STOML3: variants seen among roughly 807,000 people sequenced by gnomAD.
The protein encoded by STOML3 is stomatin-like protein 3.
In STOML3, 31 loss-of-function variants were observed where a neutral mutation model predicts 29.5. That is an observed-to-expected ratio of 1.05 (90% CI 0.79 to 1.42). The LOEUF is 1.42. STOML3 is among the 40% of genes most tolerant of loss of function. The pLI is 0.00. For synonymous variants in STOML3, 122 were observed against 139.8 expected, an observed-to-expected ratio of 0.87 and a Z score of 0.90; for missense variants, 380 against 363.0, an observed-to-expected ratio of 1.05 and a Z score of -0.38.
At chr13:38,967,693 G>A (rs1353238000) in intron 6 of STOML3, among the ~76,000 whole-genome samples, 2 of 152,120 alleles carry the variant, frequency 1.3e-5, no homozygotes, top group African/African-American at 4.8e-5. Context: ...GTCCCTTCCT[G>A]GAAGCTGCTG....
intron 5 of STOML3, among the ~76,000 whole-genome samples, chr13:38,969,800 T>C (rs1880794481): frequency 6.6e-6 from 1 of 152,178 alleles, no homozygotes; most frequent in African/African-American, 2.4e-5. Flanking sequence ...AATTTAACTT[T>C]CACACTTTAT....
chr13:38,973,621 T>C (rs779851628), intron 3 of STOML3, among the ~76,000 whole-genome samples: 5 of 152,008 alleles, frequency 3.3e-5, no homozygotes, highest in African/African-American at 4.8e-5. Flanking sequence ...CCTCCTAATA[T>C]CATTACACTG....
Position 38,980,066 on chromosome 13 carries a change from CTG to C in STOML3, c.53-3271_53-3270del, listed in dbSNP as rs752601114. 3.6e-5 allele frequency: 56 copies of C among 1,551,730 alleles called. 2 individuals carry two copies. The South Asian group carries it at 6.3e-4, about 17-fold the overall frequency. On this transcript the variant is annotated intron_variant, in intron 1 of 6. Transcript: ENST00000379631. ...ATCGCACTGACCTACAAGCTCGCCT[CTG>C]GAGTTCATCAAGCCCTTGCATCATT...
chr13:38,989,599 C>A (rs1593512738), intron 1 of STOML3, among the ~76,000 whole-genome samples: 1 of 151,900 alleles, frequency 6.6e-6, no homozygotes, highest in Admixed American at 6.6e-5. Flanking sequence ...ACCTCCTGGG[C>A]TCAAGCAATC....
chr13:38,971,140 C>G (rs905578284), intron 4 of STOML3, among the ~76,000 whole-genome samples: 3 of 152,092 alleles, frequency 2.0e-5, no homozygotes, highest in African/African-American at 7.2e-5. Flanking sequence ...GCAAGTGACT[C>G]TCCTGCCTCA....
intron 3 of STOML3, among the ~76,000 whole-genome samples, chr13:38,972,902 T>G (rs1340718946): frequency 6.6e-6 from 1 of 151,970 alleles, no homozygotes; most frequent in Non-Finnish European, 1.5e-5. Flanking sequence ...AAAAATAATA[T>G]TCTGACCAAT....
chr13:38,966,794 CTA>C lies in STOML3; in HGVS notation c.*29_*30del. On this transcript the variant is annotated 3_prime_UTR_variant, in exon 7 of 7. Transcript: ENST00000379631. The stretch of plus-strand genomic sequence containing the variant: ...TCTCCATAGGAATAGACACCACTCT[CTA>C]TGCAATAGCTGACTACCGCAAGAGG... The C allele has an allele frequency of 6.3e-7, 1 of 1,580,166 alleles. No individual in the cohort carries two copies. Among genetic ancestry groups the C allele is most frequent in the Non-Finnish European group, 8.7e-7 (1 of 1,151,398 alleles).
chr13:38,990,730 T>A lies in STOML3; in HGVS notation c.-9A>T. On this transcript the variant is annotated 5_prime_UTR_variant, in exon 1 of 7. Coordinates refer to ENST00000379631, the MANE Select transcript of STOML3 (RefSeq NM_145286.3). The stretch of plus-strand genomic sequence containing the variant: ...GACACCCTAGAATCCATCTCATTCT[T>A]GAGAAGCTTTTATACTTGGCAATTT... The A allele has an allele frequency of 6.2e-7, 1 of 1,613,814 alleles. No homozygotes were observed. Among genetic ancestry groups the A allele is most frequent in the South Asian group, 1.1e-5 (1 of 91,040 alleles).
At chr13:38,983,397 GC>G (rs1216965266) in intron 1 of STOML3, among the ~76,000 whole-genome samples, 1 of 152,114 alleles carries the variant, frequency 6.6e-6, no homozygotes, top group Non-Finnish European at 1.5e-5. Flanking sequence ...TACAGTTTTT[GC>G]TTTGAAAATG....
In STOML3 at chr13:38,966,740, G is replaced by T; in HGVS notation, c.*85C>A. On this transcript the variant is annotated 3_prime_UTR_variant, in exon 7 of 7. Coordinates refer to ENST00000379631, the MANE Select transcript of STOML3 (RefSeq NM_145286.3). The stretch of plus-strand genomic sequence containing the variant: ...GAGTTACTGTTACATGAACAGTGTT[G>T]GAATTCTCACCGTTTCTAACTACTG... The T allele has an allele frequency of 8.9e-7, 1 of 1,126,304 alleles. No individual in the cohort carries two copies. The highest frequency in any genetic ancestry group is 1.3e-6 in the Non-Finnish European group (1 of 758,584). The allele number at this position is 1,126,304 out of a possible 1,614,324, so 69.8% of individuals were successfully genotyped here. A position where few individuals can be genotyped will look rare whatever the true frequency, so the allele number is the denominator to read the frequency against.
rs758784714 is a variant in STOML3, at chr13:38,966,936, C to T, written c.765G>A (p.Thr255=). The change falls in exon 7 of 7, where the codon ACG becomes ACA. Residue 255 remains threonine (T), a synonymous_variant. Transcript: ENST00000379631. ...LQLRYLQTLS[T]VATEKNSTIV... is the part of the protein sequence containing the mutation. ...TCGTAGAATTCTTCTCGGTGGCTAC[C>T]GTGCTCAAGGTCTGCAGGTAGCGCA... The T allele has an allele frequency of 5.0e-6, 8 of 1,613,978 alleles. No homozygotes were observed. The highest frequency in any genetic ancestry group is 2.2e-5 in the East Asian group (1 of 44,850).
Position 38,968,504 on chromosome 13 carries a change from C to G in STOML3, c.547G>C (p.Gly183Arg). ...TLLDDATELW[G>R]IRVARVEIKD... ...ATTTCCACTCGGGCCACCCGGATCCCCCACAGTTCGGTGGCATCATCAAGT... is the reference window on the plus strand; with the variant it reads ...ATTTCCACTCGGGCCACCCGGATCCGCCACAGTTCGGTGGCATCATCAAGT... The change falls in exon 6 of 7, where the codon GGG (glycine) becomes CGG (arginine). Residue 183 changes from glycine to arginine, a missense_variant. Transcript: ENST00000379631. 1 of 1,614,158 alleles carries G rather than the reference C, an allele frequency of 6.2e-7. No homozygotes were observed. The highest frequency in any genetic ancestry group is 8.5e-7 in the Non-Finnish European group (1 of 1,180,024).
At chr13:38,986,860 A>G (rs9576670) in intron 1 of STOML3, among the ~76,000 whole-genome samples, 21,972 of 152,074 alleles carry the variant, frequency 0.14, 1,904 homozygotes, top group African/African-American at 0.23. Flanking sequence ...GACACAGACT[A>G]AATACCAGAG....
chr13:38,987,888 A>C (rs183190476), intron 1 of STOML3, among the ~76,000 whole-genome samples: 2,906 of 70,598 alleles, frequency 0.041, 232 homozygotes, highest in African/African-American at 0.096. Context: ...TATTTTATAT[A>C]ATATATTATG....
At chr13:38,983,435 C>A (rs1881334489) in intron 1 of STOML3, among the ~76,000 whole-genome samples, 1 of 152,014 alleles carries the variant, frequency 6.6e-6, no homozygotes, top group African/African-American at 2.4e-5. Context: ...CCATTTTTTT[C>A]TTTTACCAAA....
intron 1 of STOML3, among the ~76,000 whole-genome samples, chr13:38,989,644 G>A (rs1039742981): frequency 1.3e-5 from 2 of 151,892 alleles, no homozygotes; most frequent in Non-Finnish European, 2.9e-5. Context: ...CCACAGGCAT[G>A]TGCCACCACA....
chr13:38,990,423 A>C (rs1312705430), intron 1 of STOML3, among the ~76,000 whole-genome samples: 3 of 152,182 alleles, frequency 2.0e-5, no homozygotes, highest in Non-Finnish European at 4.4e-5. Flanking sequence ...TACAGAAAGA[A>C]GAAATTCAAA....
intron 1 of STOML3, chr13:38,980,166 A>G (rs1331330610): frequency 1.3e-6 from 2 of 1,538,998 alleles, no homozygotes; most frequent in Non-Finnish European, 1.8e-6. Flanking sequence ...GAATGTGACT[A>G]TTCTTCCAAG....
Position 38,983,342 on chromosome 13 carries a change from A to G in STOML3, c.53-6545T>C, listed in dbSNP as rs1046412291. Among the ~76,000 whole-genome samples, 3 of 152,172 alleles carry G rather than the reference A, an allele frequency of 2.0e-5. No homozygotes were observed. In the South Asian group the frequency reaches 6.2e-4, roughly 32 times the overall value. On this transcript the variant is annotated intron_variant, in intron 1 of 6. Transcript: ENST00000379631. ...AGTTCTGGCCTCTCTCCTCCATTGC[A>G]ATAGCTTTGAATAAAGTCTTCCTTG... is the stretch of plus-strand genomic sequence containing the variant.
Sources: allele counts gnomAD v4.1 joint callset (sites outside exome capture counted in the v4.1 genomes callset), GRCh38; gene constraint gnomAD v4.1.1; transcripts MANE v1.5; gene names NCBI Gene and HGNC (gene_info 2026-07-23, HGNC 2026-07-21).